Variants in IVD observed in about 807,000 individuals in gnomAD.
IVD encodes isovaleryl-CoA dehydrogenase, mitochondrial.
Under a neutral mutation model 51.3 loss-of-function variants are expected in IVD, and 31 were observed. That is an observed-to-expected ratio of 0.60 (90% CI 0.45 to 0.81). The LOEUF is 0.81. Ranked by LOEUF, IVD falls within the 40% of genes least tolerant of loss-of-function variation. The pLI is 0.00. For synonymous variants in IVD, 205 were observed against 219.4 expected (o/e 0.93, Z 0.58); for missense variants, 475 against 552.0 (o/e 0.86, Z 1.40).
intron 11 of IVD, among the ~76,000 whole-genome samples, chr15:40,417,502 CAA>C (rs61345321): frequency 0.017 from 1,544 of 88,520 alleles, 19 homozygotes; most frequent in African/African-American, 0.056. Context: ...AGCATGACTC[CAA>C]AAAAAAAAAA....
chr15:40,434,074 C>T (rs762703660), intron 8 of IVD, among the ~76,000 whole-genome samples: 5 of 152,166 alleles, frequency 3.3e-5, no homozygotes, highest in Non-Finnish European at 5.9e-5. Flanking sequence ...GTTCAGGTCC[C>T]GTAAATGCCC....
chr15:40,424,759 T>C (rs1158587423), downstream of IVD, among the ~76,000 whole-genome samples: 1 of 152,258 alleles, frequency 6.6e-6, no homozygotes, highest in Non-Finnish European at 1.5e-5. Flanking sequence ...TATACTGTTA[T>C]TTGTGTATAC....
chr15:40,411,391 A>T (rs1414339341), intron 5 of IVD, 38 bp downstream of exon 5: 1 of 1,608,348 alleles, frequency 6.2e-7, no homozygotes, highest in Non-Finnish European at 8.5e-7. Flanking sequence ...AAATGGGCAG[A>T]GGTACAGACA....
chr15:40,422,982 TCAGCTTACTG>T (rs1324598922), downstream of IVD, among the ~76,000 whole-genome samples: 1 of 152,096 alleles, frequency 6.6e-6, no homozygotes, highest in East Asian at 1.9e-4. Flanking sequence ...TGGCGTGATC[TCAGCTTACTG>T]CAGCCTCGAC....
intron 7 of IVD, among the ~76,000 whole-genome samples, chr15:40,433,377 A>T (rs1893088996): frequency 6.6e-6 from 1 of 152,144 alleles, no homozygotes; most frequent in Non-Finnish European, 1.5e-5. Flanking sequence ...TGTAAGAGAC[A>T]CCTGCCCCCT....
At chr15:40,426,774 T>C (rs1224865714), downstream of IVD, among the ~76,000 whole-genome samples, 1 of 152,172 alleles carries the variant, frequency 6.6e-6, no homozygotes, top group Non-Finnish European at 1.5e-5. Context: ...GCTAACCCCA[T>C]GAGCTTATTT....
intron 11 of IVD, 70 bp from the exon 12 acceptor site, chr15:40,418,060 T>C: frequency 6.2e-7 from 1 of 1,604,696 alleles, no homozygotes; most frequent in Non-Finnish European, 8.5e-7. Flanking sequence ...TTCTATATAC[T>C]TGGCATTCTG....
At chr15:40,435,548 C>A in exon 9 of IVD, 1 of 1,187,566 alleles carries the variant, frequency 8.4e-7, no homozygotes, top group Non-Finnish European at 1.1e-6. Flanking sequence ...ACCCCGCGTG[C>A]TGCTCCCCCA....
intron 8 of IVD, 139 bp from the exon 9 acceptor site, chr15:40,415,262 C>A: frequency 1.2e-6 from 1 of 832,044 alleles, no homozygotes. Context: ...TCTGGCCAGT[C>A]AGTGCCGTAA....
In IVD at chr15:40,418,694, C is replaced by G. The variant is rs1481126421; in HGVS notation, c.*431C>G. 12 of 1,126,482 alleles carry G rather than the reference C, an allele frequency of 1.1e-5. No homozygotes were observed. Among genetic ancestry groups the G allele is most frequent in the African/African-American group, 1.6e-5 (1 of 61,390 alleles). The allele number at this position is 1,126,482 out of a possible 1,614,324, so 69.8% of individuals were successfully genotyped here. ...GCAAGGAGATCTCTCTGCTCAAGCA[C>G]AGCAGAATCATGGCCCCTCTCCATG... On this transcript the variant is annotated 3_prime_UTR_variant, in exon 12 of 12. Transcript: ENST00000487418.
intron 7 of IVD, among the ~76,000 whole-genome samples, chr15:40,429,516 GTC>G (rs1476325220): frequency 2.6e-5 from 4 of 152,198 alleles, no homozygotes; most frequent in Admixed American, 2.6e-4. Context: ...ACGCCCACCT[GTC>G]TCTGGTTTGC....
chr15:40,434,186 G>A (rs1566953654), intron 8 of IVD, among the ~76,000 whole-genome samples: 1 of 152,186 alleles, frequency 6.6e-6, no homozygotes, highest in South Asian at 2.1e-4. Flanking sequence ...GAAAATGTGC[G>A]CCAGGGGTAG....
At chr15:40,431,866 A>G (rs1892994833) in intron 7 of IVD, among the ~76,000 whole-genome samples, 1 of 152,072 alleles carries the variant, frequency 6.6e-6, no homozygotes, top group African/African-American at 2.4e-5. Context: ...TGTCTATATA[A>G]CTAAGTGTAA....
downstream of IVD, among the ~76,000 whole-genome samples, chr15:40,428,324 A>G (rs1486060567): frequency 6.6e-6 from 1 of 151,864 alleles, no homozygotes; most frequent in Non-Finnish European, 1.5e-5. Flanking sequence ...ATCACCACCT[A>G]GATATTGAGA....
At chr15:40,410,517 A>G (rs1367035349) in intron 3 of IVD, 111 bp from the exon 4 acceptor site, 1 of 1,214,072 alleles carries the variant, frequency 8.2e-7, no homozygotes, top group Non-Finnish European at 1.2e-6. Context: ...GAGAATTTGG[A>G]GTAGGTGCTA....
chr15:40,418,995 C>A lies in IVD; in HGVS notation c.*732C>A. 1.9e-6 allele frequency: 1 copy of A among 512,960 alleles called. No homozygotes were observed. Among genetic ancestry groups the A allele is most frequent in the Non-Finnish European group, 3.1e-6 (1 of 322,004 alleles). The allele number at this position is 512,960 out of a possible 1,614,324, so 31.8% of individuals were successfully genotyped here. A position where few individuals can be genotyped will look rare whatever the true frequency, so the allele number is the denominator to read the frequency against. ...TAAAAATAGAAAAAAATTAGTTGGGCATGGTGGTGGGCACCTGTAATCCCA... is the reference window on the plus strand; with the variant it reads ...TAAAAATAGAAAAAAATTAGTTGGGAATGGTGGTGGGCACCTGTAATCCCA... On this transcript the variant is annotated 3_prime_UTR_variant, in exon 12 of 12. Transcript: ENST00000487418.
chr15:40,408,716 C>G (rs1440030277), intron 3 of IVD, among the ~76,000 whole-genome samples: 7 of 152,002 alleles, frequency 4.6e-5, no homozygotes, highest in Admixed American at 4.6e-4. Context: ...TTTGGGAGGC[C>G]GAGGCAGGTG....
downstream of IVD, among the ~76,000 whole-genome samples, chr15:40,425,439 A>AATATAT (rs1566949596): frequency 2.7e-5 from 2 of 73,490 alleles, no homozygotes; most frequent in African/African-American, 8.6e-5. Flanking sequence ...CTGGACTCAT[A>AATATAT]CTATATATAT....
intron 6 of IVD, chr15:40,412,785 A>G: frequency 3.4e-6 from 2 of 582,602 alleles, no homozygotes; most frequent in South Asian, 3.9e-5. Context: ...TGGGGAGAAC[A>G]CAAGCTAGTG....
Sources: gnomAD v4.1 joint callset for allele counts (sites outside exome capture counted in the v4.1 genomes callset) on GRCh38, gnomAD v4.1.1 for gene constraint, MANE v1.5 for transcripts, NCBI Gene and HGNC (gene_info 2026-07-23, HGNC 2026-07-21) for gene names.